The following ZNF12 variants were observed in gnomAD, a reference collection of about 807,000 sequenced individuals.
ZNF12 encodes the protein zinc finger protein 12, also known as gonadotropin inducible transcription repressor 3.
ZNF12 carries 34 observed loss-of-function variants against 66.6 expected under a neutral mutation model. The ratio of observed to expected loss-of-function variants is 0.51; its 90% CI spans 0.39 to 0.68. ZNF12 has a LOEUF of 0.68. Ranked by LOEUF, ZNF12 falls within the 30% of genes least tolerant of loss-of-function variation. The probability of loss-of-function intolerance (pLI) is 0.00; values close to 1 mark genes in which losing one functional copy is unlikely to be tolerated. For synonymous variants in ZNF12, 320 were observed against 278.9 expected, an observed-to-expected ratio of 1.15 and a Z score of -1.47; for missense variants, 697 against 826.9, an observed-to-expected ratio of 0.84 and a Z score of 1.93.
rs1367047432 is a variant in ZNF12, at chr7:6,698,283, C to T, written c.16-472G>A. 2.7e-5 allele frequency among the ~76,000 whole-genome samples: 4 copies of T among 150,530 alleles called. No individual in the cohort carries two copies. The highest frequency in any genetic ancestry group is 6.6e-5 in the Admixed American group (1 of 15,054). On this transcript the variant is annotated intron_variant, in intron 2 of 4. Coordinates refer to ENST00000405858, the MANE Select transcript of ZNF12 (RefSeq NM_016265.4). The surrounding 1 kb of genome is among the most constrained non-coding windows in gnomAD (Gnocchi z 4.4). ...AGTCATCCTGAATGTTGTGGGCCTACGGCTGTCTTGAGTCTTTTTCTCTTT... is the reference window on the plus strand; with the variant it reads ...AGTCATCCTGAATGTTGTGGGCCTATGGCTGTCTTGAGTCTTTTTCTCTTT...
chr7:6,693,057 A>G (rs1159774641), intron 4 of ZNF12, among the ~76,000 whole-genome samples: 1 of 152,226 alleles, frequency 6.6e-6, no homozygotes, highest in Non-Finnish European at 1.5e-5. Context: ...TGAATGGCTG[A>G]CAGGGTAGAG....
Position 6,691,592 on chromosome 7 carries a change from T to A in ZNF12, c.1350A>T (p.Ser450=), listed in dbSNP as rs1412041281. The A allele has an allele frequency of 1.2e-6, 2 of 1,614,036 alleles. No homozygotes were observed. The highest frequency in any genetic ancestry group is 1.7e-6 in the Non-Finnish European group (2 of 1,179,982). ...NECGKFFSRL[S]YLTVHYRTHS... ...GAGTTCTATAATGTACAGTGAGATA[T>A]GACAACCGAGAGAAGAATTTTCCAC... Residue 450 remains serine, a synonymous_variant, in exon 5 of 5, where the codon TCA becomes TCT. Coordinates refer to ENST00000405858, the MANE Select transcript of ZNF12 (RefSeq NM_016265.4).
Position 6,691,688 on chromosome 7 carries a change from G to T in ZNF12, c.1254C>A (p.Phe418Leu). The T allele has an allele frequency of 6.2e-7, 1 of 1,613,912 alleles. No individual in the cohort carries two copies. The highest frequency in any genetic ancestry group is 2.2e-5 in the East Asian group (1 of 44,862). The change falls in exon 5 of 5, where the codon TTC (phenylalanine) becomes TTA (leucine). Residue 418 changes from phenylalanine (F) to leucine (L), a missense_variant. Transcript: ENST00000405858. ...GGGTCGTGAGAGTAGACTTGCGGCA[G>T]AAGCATTTCCCACATTCACTACACT... ...LYKCSECGKCFCRKSTLTTHL... is the reference protein window; with the variant it reads ...LYKCSECGKCLCRKSTLTTHL...
rs377033045 is a variant in ZNF12, at chr7:6,692,480, A to G, written c.462T>C (p.Ile154=). 2 of 1,613,208 alleles carry G rather than the reference A, an allele frequency of 1.2e-6. No individual in the cohort carries two copies. The highest frequency in any genetic ancestry group is 1.7e-6 in the Non-Finnish European group (2 of 1,179,646). ...TTCTTGCATAGCTTCCATCACTACTAATATATTCTGAAACAGACGTTAAAC... is the reference window on the plus strand; with the variant it reads ...TTCTTGCATAGCTTCCATCACTACTGATATATTCTGAAACAGACGTTAAAC... The part of the protein sequence containing the change: ...EKCLTSVSEY[I]SSDGSYARMK... Residue 154 remains isoleucine (I), a synonymous_variant, in exon 5 of 5, where the codon ATT becomes ATC. Transcript: ENST00000405858. This position sits in a 1 kb window ranked among gnomAD's most constrained non-coding sequence, Gnocchi z 5.1.
intron 2 of ZNF12, chr7:6,701,019 C>T (rs906428780): frequency 1.3e-5 from 2 of 152,162 alleles, no homozygotes; most frequent in African/African-American, 4.8e-5. Flanking sequence ...GATCTGTTGC[C>T]CAGGCTGGGG....
At chr7:6,699,101 G>A (rs554545054) in intron 2 of ZNF12, among the ~76,000 whole-genome samples, 1 of 152,302 alleles carries the variant, frequency 6.6e-6, no homozygotes, top group South Asian at 2.1e-4. Context: ...TGTTATTTAT[G>A]TAATTGGCAA....
At position 6,697,276 on chromosome 7, in the gene ZNF12, T is replaced by TA. The variant is rs754430350; in HGVS notation, c.238+62dup. The TA allele has an allele frequency of 1.6e-5, 21 of 1,339,572 alleles. No homozygotes were observed. Among genetic ancestry groups the TA allele is most frequent in the Non-Finnish European group, 2.0e-5 (19 of 958,196 alleles). 83.0% of individuals were successfully genotyped at this position (1,339,572 alleles called of 1,614,324 possible). A position where few individuals can be genotyped will look rare whatever the true frequency, so the allele number is the denominator to read the frequency against. On this transcript the variant is annotated intron_variant, in intron 4 of 4. Coordinates refer to ENST00000405858, the MANE Select transcript of ZNF12 (RefSeq NM_016265.4). The surrounding 1 kb of genome is among the most constrained non-coding windows in gnomAD (Gnocchi z 6.1). ...GTCACTTCTAAAGGTTCGGGACCATTAAAAAATCCCTGGGAAAAACACTCC... is the reference window on the plus strand; with the variant it reads ...GTCACTTCTAAAGGTTCGGGACCATTAAAAAAATCCCTGGGAAAAACACTCC...
At chr7:6,700,304 T>TATACACACACAC (rs1554294764) in intron 2 of ZNF12, among the ~76,000 whole-genome samples, 37 of 129,058 alleles carry the variant, frequency 2.9e-4, no homozygotes, top group Non-Finnish European at 3.1e-4. Context: ...AAAAAAAATA[T>TATACACACACAC]ACACACACAC....
intron 2 of ZNF12, among the ~76,000 whole-genome samples, chr7:6,704,740 C>CAAAA (rs949897713): frequency 0.029 from 919 of 32,002 alleles, 15 homozygotes; most frequent in East Asian, 0.084. Context: ...TACTTGGTCT[C>CAAAA]AAAAAAAAAA....
rs758645874 is a variant in ZNF12 at position 6,692,027 on chromosome 7, G to C, written c.915C>G (p.Ser305=). ...CAGTAAGGGTTCCCTTCTGGCAGAA[G>C]GATTTCCCACACTGATTACATTCGT... is the stretch of plus-strand genomic sequence containing the variant. ...KPYECNQCGK[S]FCQKGTLTVH... The change falls in exon 5 of 5, where the codon TCC becomes TCG. Residue 305 remains serine, a synonymous_variant. Transcript: ENST00000405858. This position sits in a 1 kb window ranked among gnomAD's most constrained non-coding sequence, Gnocchi z 5.1. 3.7e-6 allele frequency: 6 copies of C among 1,612,818 alleles called. No homozygotes were observed. The Admixed American group carries it at 1.0e-4, about 27-fold the overall frequency.
chr7:6,697,218 C>T lies in ZNF12; in HGVS notation c.238+121G>A, dbSNP rs140235256. On this transcript the variant is annotated intron_variant, in intron 4 of 4. Coordinates refer to ENST00000405858, the MANE Select transcript of ZNF12 (RefSeq NM_016265.4). The surrounding 1 kb of genome is among the most constrained non-coding windows in gnomAD (Gnocchi z 6.1). Reference sequence around the variant, plus strand: ...GGAAGAAGTCTTTGGGAGTGAGATTCAGGTTCATAGAGCATATAAGCAACT... The same window carrying T: ...GGAAGAAGTCTTTGGGAGTGAGATTTAGGTTCATAGAGCATATAAGCAACT... The T allele has an allele frequency of 7.1e-4, 460 of 645,514 alleles. 8 individuals carry two copies. The East Asian group carries it at 0.013, about 18-fold the overall frequency. The allele number at this position is 645,514 out of a possible 1,614,324, so 40.0% of individuals were successfully genotyped here.
Position 6,691,472 on chromosome 7 carries a change from C to T in ZNF12, c.1470G>A (p.Glu490=), listed in dbSNP as rs773729644. Residue 490 remains glutamate (E), a synonymous_variant, in exon 5 of 5, where the codon GAG becomes GAA. Transcript: ENST00000405858. ...CACATTCATTACATTCGTAAGGTTT[C>T]TCTCCTGTGTGCACTCTCTGATGTC... is the stretch of plus-strand genomic sequence containing the variant. ...LMRHQRVHTG[E]KPYECNECGK... 4.3e-6 allele frequency: 7 copies of T among 1,614,138 alleles called. No homozygotes were observed. The South Asian group carries it at 5.5e-5, about 13-fold the overall frequency.
intron 2 of ZNF12, among the ~76,000 whole-genome samples, chr7:6,703,773 C>G (rs1780297887): frequency 1.3e-5 from 2 of 152,122 alleles, no homozygotes; most frequent in African/African-American, 2.4e-5. Context: ...ACATGAAGAC[C>G]AAAGAAATCA....
rs1780038520 is a variant in ZNF12 at position 6,689,834 on chromosome 7, AT to A, written c.*1013del. The A allele has an allele frequency of 6.6e-6, 1 of 152,668 alleles. No individual in the cohort carries two copies. The highest frequency in any genetic ancestry group is 6.5e-5 in the Admixed American group (1 of 15,278). The allele number at this position is 152,668 out of a possible 1,614,324, so 9.5% of individuals were successfully genotyped here. ...ACGACATCAAATGAAAACACAGTGA[AT>A]TCCTATGTTACACAGCATTGTGCTC... is the stretch of plus-strand genomic sequence containing the variant. On this transcript the variant is annotated 3_prime_UTR_variant, in exon 5 of 5. Coordinates refer to ENST00000405858, the MANE Select transcript of ZNF12 (RefSeq NM_016265.4).
At position 6,692,563 on chromosome 7, in the gene ZNF12, G is replaced by T. The variant is rs765455619; in HGVS notation, c.379C>A (p.Pro127Thr). 1 of 1,613,714 alleles carries T rather than the reference G, an allele frequency of 6.2e-7. No individual in the cohort carries two copies. The highest frequency in any genetic ancestry group is 8.5e-7 in the Non-Finnish European group (1 of 1,179,820). The change falls in exon 5 of 5, where the codon CCT becomes ACT. Residue 127 changes from proline to threonine, a missense_variant. Physicochemically the swap from Pro to Thr is conservative, Grantham distance 38. Transcript: ENST00000405858. This position sits in a 1 kb window ranked among gnomAD's most constrained non-coding sequence, Gnocchi z 5.1. Reference protein sequence around the residue: ...PGKTFDVETNPVPSRKIAYKN... With the variant: ...PGKTFDVETNTVPSRKIAYKN... ...TAGGCTATTTTTCTTGAAGGAACAG[G>T]GTTCGTTTCTACATCAAAAGTTTTA...
chr7:6,689,640 T>C lies in ZNF12; in HGVS notation c.*1208A>G, dbSNP rs113885395. ...CTTGTTAGAATGTGTTCTTAATTCA[T>C]TAACAGGAAGGAGTAGAGCACAAGG... On this transcript the variant is annotated 3_prime_UTR_variant, in exon 5 of 5. Coordinates refer to ENST00000405858, the MANE Select transcript of ZNF12 (RefSeq NM_016265.4). 1 of 152,258 alleles carries C rather than the reference T, an allele frequency of 6.6e-6. No individual in the cohort carries two copies. 9.4% of individuals were successfully genotyped at this position (152,258 alleles called of 1,614,324 possible).
intron 2 of ZNF12, among the ~76,000 whole-genome samples, chr7:6,701,918 C>G (rs1780249675): frequency 6.7e-6 from 1 of 148,346 alleles, no homozygotes; most frequent in African/African-American, 2.5e-5. Context: ...TGCTACTATC[C>G]AATTTCTCTT....
At position 6,705,108 on chromosome 7, in the gene ZNF12, GGT is replaced by G; in HGVS notation, c.15+49_15+50del. 1 of 1,601,058 alleles carries G rather than the reference GGT, an allele frequency of 6.2e-7. No homozygotes were observed. Among genetic ancestry groups the G allele is most frequent in the East Asian group, 2.2e-5 (1 of 44,670 alleles). ...CTTTGAACCCTTAATCTCCTCCTAA[GGT>G]GTATTGTAAATCAGAGTAGAGAATA... On this transcript the variant is annotated intron_variant, in intron 2 of 4. Transcript: ENST00000405858. The surrounding 1 kb of genome is among the most constrained non-coding windows in gnomAD (Gnocchi z 4.0).
Position 6,689,799 on chromosome 7 carries a change from T to TA in ZNF12, c.*1048dup, listed in dbSNP as rs1286483023. The TA allele has an allele frequency of 4.3e-4, 66 of 152,746 alleles. No homozygotes were observed. The highest frequency in any genetic ancestry group is 1.4e-3 in the African/African-American group (57 of 41,588). The allele number at this position is 152,746 out of a possible 1,614,324, so 9.5% of individuals were successfully genotyped here. ...ACAGGAAGGAGTAGAGCACAAGGTT[T>TA]AAAACCAGTACGACATCAAATGAAA... On this transcript the variant is annotated 3_prime_UTR_variant, in exon 5 of 5. Coordinates refer to ENST00000405858, the MANE Select transcript of ZNF12 (RefSeq NM_016265.4).
Sources: allele counts gnomAD v4.1 joint callset (sites outside exome capture counted in the v4.1 genomes callset), GRCh38; gene constraint gnomAD v4.1.1; non-coding constraint Gnocchi (gnomAD v3.1); transcripts MANE v1.5; gene names NCBI Gene and HGNC (gene_info 2026-07-23, HGNC 2026-07-21).